Variants in PIK3R4 observed in about 807,000 individuals in gnomAD.
The protein encoded by PIK3R4 is phosphoinositide-3-kinase regulatory subunit 4.
PIK3R4 carries 46 observed loss-of-function variants against 136.5 expected under a neutral mutation model. That is an observed-to-expected ratio of 0.34 (90% confidence interval 0.27 to 0.43). PIK3R4 has a LOEUF of 0.43. PIK3R4 is among the 20% of genes least tolerant of loss of function. The probability of loss-of-function intolerance (pLI) is 1.00; values close to 1 mark genes in which losing one functional copy is unlikely to be tolerated. For synonymous variants in PIK3R4, 557 were observed against 566.7 expected, an observed-to-expected ratio of 0.98 and a Z score of 0.24; for missense variants, 1,331 against 1,649.5, an observed-to-expected ratio of 0.81 and a Z score of 3.35.
intron 2 of PIK3R4, among the ~76,000 whole-genome samples, chr3:130,743,821 G>A (rs182265306): frequency 1.3e-5 from 2 of 152,238 alleles, no homozygotes; most frequent in Admixed American, 1.3e-4. Flanking sequence ...CACTCTCCAT[G>A]CTCCAGTCAG....
intron 3 of PIK3R4, 106 bp from the exon 4 acceptor site, chr3:130,734,236 A>C: frequency 1.2e-6 from 1 of 840,884 alleles, no homozygotes; most frequent in Non-Finnish European, 1.9e-6. Flanking sequence ...ATCTTTCAGA[A>C]CCTGACTGCT....
chr3:130,728,241 C>T (rs530707391), intron 6 of PIK3R4, among the ~76,000 whole-genome samples: 6 of 152,230 alleles, frequency 3.9e-5, no homozygotes, highest in South Asian at 4.2e-4. Flanking sequence ...AATGACCACA[C>T]GGTATTCCTT....
Position 130,679,181 on chromosome 3 carries a change from C to T in PIK3R4, c.*134G>A. 2.1e-6 allele frequency: 1 copy of T among 476,766 alleles called. No individual in the cohort carries two copies. Among genetic ancestry groups the T allele is most frequent in the Non-Finnish European group, 3.5e-6 (1 of 283,252 alleles). 29.5% of individuals were successfully genotyped at this position (476,766 alleles called of 1,614,324 possible). On this transcript the variant is annotated 3_prime_UTR_variant, in exon 20 of 20. Transcript: ENST00000356763. ...TTAACCATTTTGGGTGTCATTTAGTCAGTCAGTCATGAAACAGTAATATGG... is the reference window on the plus strand; with the variant it reads ...TTAACCATTTTGGGTGTCATTTAGTTAGTCAGTCATGAAACAGTAATATGG...
chr3:130,740,796 A>G (rs1430674051), intron 2 of PIK3R4, among the ~76,000 whole-genome samples: 1 of 152,112 alleles, frequency 6.6e-6, no homozygotes, highest in Admixed American at 6.6e-5. Context: ...GGGCCATAAT[A>G]TATGTAACTT....
intron 13 of PIK3R4, among the ~76,000 whole-genome samples, chr3:130,690,966 C>T (rs924946529): frequency 1.4e-5 from 2 of 146,192 alleles, no homozygotes; most frequent in Non-Finnish European, 3.0e-5. Context: ...GCCAGTGGTG[C>T]GATCACAGCT....
Position 130,729,502 on chromosome 3 carries a change from T to A in PIK3R4, c.1585+806A>T, listed in dbSNP as rs373684537. Among the ~76,000 whole-genome samples the A allele has an allele frequency of 3.6e-4, 55 of 152,320 alleles. 1 individual carries two copies. The East Asian group carries it at 7.7e-3, about 21-fold the overall frequency. ...TTCCCTCCCCAAAAATTTTACCATT[T>A]AACTTTATTATCTCAACAGGTCCAA... On this transcript the variant is annotated intron_variant, in intron 5 of 19. Transcript: ENST00000356763.
intron 2 of PIK3R4, among the ~76,000 whole-genome samples, chr3:130,743,910 T>C (rs1246135200): frequency 1.3e-5 from 2 of 152,196 alleles, no homozygotes; most frequent in Admixed American, 6.5e-5. Flanking sequence ...CAGTGCATCA[T>C]ATTCTGGTCT....
chr3:130,725,749 G>C (rs1170168671), intron 6 of PIK3R4: 1 of 151,824 alleles, frequency 6.6e-6, no homozygotes, highest in Non-Finnish European at 1.5e-5. Flanking sequence ...AAAAGAACAA[G>C]AAAAGCATAA....
At position 130,684,086 on chromosome 3, in the gene PIK3R4, T is replaced by C. The variant is rs141679524; in HGVS notation, c.3607+164A>G. Among the ~76,000 whole-genome samples, 796 of 152,248 alleles carry C rather than the reference T, an allele frequency of 5.2e-3. 6 individuals carry two copies. The highest frequency in any genetic ancestry group is 0.014 in the Middle Eastern group (4 of 294). Reference sequence around the variant, plus strand: ...TGACTGATGAGATCATTTTTGAACATAGATGACAGTGAGGTATCAATAGTG... The same window carrying C: ...TGACTGATGAGATCATTTTTGAACACAGATGACAGTGAGGTATCAATAGTG... On this transcript the variant is annotated intron_variant, in intron 16 of 19. Transcript: ENST00000356763.
chr3:130,730,307 C>A lies in PIK3R4; in HGVS notation c.1585+1G>T. The A allele has an allele frequency of 6.3e-7, 1 of 1,583,840 alleles. No homozygotes were observed. The highest frequency in any genetic ancestry group is 8.6e-7 in the Non-Finnish European group (1 of 1,167,928). On this transcript the variant is annotated splice_donor_variant, in intron 5 of 19. Transcript: ENST00000356763. LOFTEE classifies it high-confidence loss of function. ...AAATCTGGAAGAGAAAATTATACAACCTGTGTCATAATTTCCATTTGGATG... is the reference window on the plus strand; with the variant it reads ...AAATCTGGAAGAGAAAATTATACAAACTGTGTCATAATTTCCATTTGGATG...
chr3:130,698,591 T>C (rs969053908), intron 13 of PIK3R4, among the ~76,000 whole-genome samples: 15 of 152,214 alleles, frequency 9.9e-5, no homozygotes, highest in Non-Finnish European at 1.8e-4. Flanking sequence ...ACTGTTCTCA[T>C]ACTTTCCTTT....
chr3:130,727,074 G>A (rs2066735741), intron 6 of PIK3R4, among the ~76,000 whole-genome samples: 1 of 152,160 alleles, frequency 6.6e-6, no homozygotes, highest in African/African-American at 2.4e-5. Context: ...GTTTTTCAAA[G>A]TAGAAAGTAC....
At chr3:130,681,687 A>ATT (rs1180731927) in intron 16 of PIK3R4, 96 bp from the exon 17 acceptor site, 8 of 693,124 alleles carry the variant, frequency 1.2e-5, no homozygotes, top group African/African-American at 1.1e-4. Context: ...AGAAAGAAAA[A>ATT]TTTCTTTCTT....
chr3:130,741,707 T>G (rs2066824792), intron 2 of PIK3R4, among the ~76,000 whole-genome samples: 1 of 152,116 alleles, frequency 6.6e-6, no homozygotes, highest in Non-Finnish European at 1.5e-5. Context: ...AAATTAACTT[T>G]CTTATTTACT....
Position 130,703,852 on chromosome 3 carries a change from T to C in PIK3R4, c.2969A>G (p.His990Arg), listed in dbSNP as rs767348017. ...TCGATTCACAGCAGATTTATGCTCA[T>C]GAAGATGGGCAACTAACAGCCCTTT... ...RPKGLLVAHL[H>R]EHKSAVNRIR... Residue 990 changes from histidine to arginine, a missense_variant, in exon 13 of 20, where the codon CAT becomes CGT. His to Arg is a conservative substitution (Grantham distance 29, BLOSUM62 0). Coordinates refer to ENST00000356763, the MANE Select transcript of PIK3R4 (RefSeq NM_014602.3). 25 of 1,613,018 alleles carry C rather than the reference T, an allele frequency of 1.5e-5. No homozygotes were observed. The highest frequency in any genetic ancestry group is 2.0e-5 in the Non-Finnish European group (24 of 1,179,226).
chr3:130,725,459 A>T (rs1282325444), intron 6 of PIK3R4, among the ~76,000 whole-genome samples: 2 of 151,952 alleles, frequency 1.3e-5, no homozygotes, highest in Non-Finnish European at 2.9e-5. Flanking sequence ...CACATCACAG[A>T]CCAAAAATAA....
intron 13 of PIK3R4, among the ~76,000 whole-genome samples, chr3:130,696,564 C>T (rs1275389512): frequency 6.6e-6 from 1 of 152,136 alleles, no homozygotes; most frequent in Non-Finnish European, 1.5e-5. Context: ...CCTAACTTCC[C>T]TTCTGTTACT....
intron 2 of PIK3R4, among the ~76,000 whole-genome samples, chr3:130,741,378 T>C (rs1333275391): frequency 1.3e-5 from 2 of 152,340 alleles, no homozygotes; most frequent in Non-Finnish European, 2.9e-5. Flanking sequence ...CCCCCAGAAC[T>C]GAGAGAAAAT....
At chr3:130,695,253 T>A (rs938317754) in intron 13 of PIK3R4, among the ~76,000 whole-genome samples, 1 of 152,176 alleles carries the variant, frequency 6.6e-6, no homozygotes, top group Non-Finnish European at 1.5e-5. Context: ...TATCTGGCTG[T>A]GGTATCAGAT....
Sources: allele counts gnomAD v4.1 joint callset (sites outside exome capture counted in the v4.1 genomes callset), GRCh38; gene constraint gnomAD v4.1.1; transcripts MANE v1.5; gene names NCBI Gene and HGNC (gene_info 2026-07-23, HGNC 2026-07-21).